The following NAALADL2 variants were observed in gnomAD, a reference collection of about 807,000 sequenced individuals.
NAALADL2 encodes the protein inactive N-acetylated-alpha-linked acidic dipeptidase-like protein 2.
A neutral mutation model predicts 87.2 loss-of-function variants in NAALADL2; 76 were observed. The observed-to-expected ratio is 0.87, with a 90% confidence interval of 0.72 to 1.05. The LOEUF (loss-of-function observed/expected upper bound fraction) is 1.05, where lower values mean the gene tolerates loss of function less well. NAALADL2 is among the 50% of genes least tolerant of loss of function. The pLI is 0.00. For synonymous variants in NAALADL2, 354 were observed against 331.0 expected (o/e 1.07, Z -0.75); for missense variants, 1,089 against 945.8 (o/e 1.15, Z -1.99).
At chr3:175,529,742 G>C (rs142600825) in intron 9 of NAALADL2, among the ~76,000 whole-genome samples, 1 of 152,190 alleles carries the variant, frequency 6.6e-6, no homozygotes. Context: ...CTTGGTCAGA[G>C]GCAATGCTGT....
intron 2 of NAALADL2, among the ~76,000 whole-genome samples, chr3:174,644,382 C>G (rs991296069): frequency 2.0e-5 from 3 of 152,012 alleles, no homozygotes; most frequent in Non-Finnish European, 2.9e-5. Context: ...AGAGAAGATG[C>G]TTTTACTTTT....
chr3:174,596,776 C>T (rs1717952968), intron 2 of NAALADL2, among the ~76,000 whole-genome samples: 1 of 152,104 alleles, frequency 6.6e-6, no homozygotes, highest in African/African-American at 2.4e-5. Context: ...ATGTTTATCT[C>T]TTGTGACGTC....
intron 9 of NAALADL2, among the ~76,000 whole-genome samples, chr3:175,534,446 A>G (rs931769257): frequency 2.0e-5 from 3 of 152,182 alleles, no homozygotes; most frequent in Non-Finnish European, 4.4e-5. Context: ...GTAGTCTGGG[A>G]CTAGGCCAGT....
At chr3:174,576,189 A>G (rs1234999826) in intron 2 of NAALADL2, among the ~76,000 whole-genome samples, 1 of 152,170 alleles carries the variant, frequency 6.6e-6, no homozygotes, top group Non-Finnish European at 1.5e-5. Flanking sequence ...AACAAAATAG[A>G]TATGGTTCCT....
rs1249697031 is a variant in NAALADL2 at position 174,901,883 on chromosome 3, C to A, written c.43+42433C>A. On this transcript the variant is annotated intron_variant, in intron 1 of 13. Coordinates refer to ENST00000454872, the MANE Select transcript of NAALADL2 (RefSeq NM_207015.3). ...GCTTTATGTTGTGATTTATGTATGG[C>A]CCCAGGATTAGCTTCCTTACAGAAG... Among the ~76,000 whole-genome samples, 4 of 152,096 alleles carry A rather than the reference C, an allele frequency of 2.6e-5. No individual in the cohort carries two copies. The East Asian group carries it at 7.7e-4, about 29-fold the overall frequency.
chr3:175,639,295 A>C (rs1465049140), intron 11 of NAALADL2, among the ~76,000 whole-genome samples: 1 of 137,418 alleles, frequency 7.3e-6, no homozygotes, highest in Admixed American at 7.2e-5. Flanking sequence ...TGCCCACAGC[A>C]GTTTTTTTTC....
At chr3:175,591,485 A>G (rs1394145986) in intron 10 of NAALADL2, among the ~76,000 whole-genome samples, 2 of 152,066 alleles carry the variant, frequency 1.3e-5, no homozygotes, top group African/African-American at 4.8e-5. Flanking sequence ...CATCATCCCA[A>G]TTAGGTTTAA....
chr3:175,141,948 C>A (rs930315062), intron 2 of NAALADL2, among the ~76,000 whole-genome samples: 4 of 152,046 alleles, frequency 2.6e-5, no homozygotes, highest in African/African-American at 9.7e-5. Flanking sequence ...TTATATGTCA[C>A]AGTTTTCTCT....
intron 2 of NAALADL2, chr3:174,551,225 A>G (rs1166652588): frequency 3.9e-5 from 6 of 152,120 alleles, no homozygotes; most frequent in Admixed American, 3.9e-4. Flanking sequence ...TTAAATGCAA[A>G]TAAGTTCATT....
rs376148015 is a variant in NAALADL2 at position 175,495,951 on chromosome 3, T to C, written c.1653+24193T>C. On this transcript the variant is annotated intron_variant, in intron 9 of 13. Coordinates refer to ENST00000454872, the MANE Select transcript of NAALADL2 (RefSeq NM_207015.3). Reference sequence around the variant, plus strand: ...TTACTTCTTCCAATTATATATTTTATTTATGACTCGACAACTTCTTTACAT... The same window carrying C: ...TTACTTCTTCCAATTATATATTTTACTTATGACTCGACAACTTCTTTACAT... Among the ~76,000 whole-genome samples the C allele has an allele frequency of 3.0e-3, 464 of 152,246 alleles. 3 individuals carry two copies. The highest frequency in any genetic ancestry group is 0.011 in the African/African-American group (437 of 41,542).
chr3:174,505,886 A>G (rs569922116), intron 1 of NAALADL2, among the ~76,000 whole-genome samples: 53 of 152,336 alleles, frequency 3.5e-4, no homozygotes, highest in Non-Finnish European at 6.8e-4. Flanking sequence ...TTTAGATAAT[A>G]TAGACAACTA....
chr3:175,176,165 G>A (rs1735668836), intron 2 of NAALADL2, among the ~76,000 whole-genome samples: 2 of 152,018 alleles, frequency 1.3e-5, no homozygotes, highest in Admixed American at 6.6e-5. Flanking sequence ...TGGCCAGAGA[G>A]CTGTAACTCT....
chr3:174,807,020 T>C (rs1239936436), intron 3 of NAALADL2, among the ~76,000 whole-genome samples: 1 of 152,112 alleles, frequency 6.6e-6, no homozygotes, highest in East Asian at 1.9e-4. Flanking sequence ...TGAAAAAACT[T>C]GAAATTGAGA....
chr3:174,966,981 GCTT>G (rs1742969948), intron 1 of NAALADL2, among the ~76,000 whole-genome samples: 1 of 152,120 alleles, frequency 6.6e-6, no homozygotes, highest in South Asian at 2.1e-4. Flanking sequence ...ATAGGAAAAA[GCTT>G]CTTAAGTCCA....
chr3:175,803,365 C>T lies in NAALADL2; in HGVS notation c.*162C>T. The T allele has an allele frequency of 2.3e-6, 1 of 435,366 alleles. No individual in the cohort carries two copies. Among genetic ancestry groups the T allele is most frequent in the Non-Finnish European group, 4.0e-6 (1 of 248,382 alleles). 27.0% of individuals were successfully genotyped at this position (435,366 alleles called of 1,614,324 possible). A position where few individuals can be genotyped will look rare whatever the true frequency, so the allele number is the denominator to read the frequency against. The stretch of plus-strand genomic sequence containing the variant: ...TTTTTAAATGTAAATATAGAAAGAA[C>T]ATTTTGCACATTTAATATTTTTCTT... On this transcript the variant is annotated 3_prime_UTR_variant, in exon 14 of 14. Coordinates refer to ENST00000454872, the MANE Select transcript of NAALADL2 (RefSeq NM_207015.3).
intron 1 of NAALADL2, among the ~76,000 whole-genome samples, chr3:175,077,400 A>G (rs1716801801): frequency 6.6e-6 from 1 of 152,198 alleles, no homozygotes. Flanking sequence ...GTTAAACAAA[A>G]CATCTGGAGC....
intron 1 of NAALADL2, among the ~76,000 whole-genome samples, chr3:174,920,615 T>C (rs972222235): frequency 2.0e-5 from 3 of 152,222 alleles, no homozygotes; most frequent in Non-Finnish European, 4.4e-5. Context: ...ATGTCAGCAA[T>C]ACGGTGGTTT....
intron 13 of NAALADL2, among the ~76,000 whole-genome samples, chr3:175,791,167 G>A (rs1752732255): frequency 1.3e-5 from 2 of 152,208 alleles, no homozygotes; most frequent in African/African-American, 4.8e-5. Flanking sequence ...GGGGAAAAAT[G>A]TGCTATATAG....
chr3:175,461,372 A>G (rs1026015211), intron 6 of NAALADL2, among the ~76,000 whole-genome samples: 5 of 152,162 alleles, frequency 3.3e-5, no homozygotes, highest in Non-Finnish European at 2.9e-5. Flanking sequence ...GTGCATTTTT[A>G]CAGAGTGCTG....
Sources: allele counts gnomAD v4.1 joint callset (sites outside exome capture counted in the v4.1 genomes callset), GRCh38; gene constraint gnomAD v4.1.1; transcripts MANE v1.5; gene names NCBI Gene and HGNC (gene_info 2026-07-23, HGNC 2026-07-21).